Variants in CDH13 observed in about 807,000 individuals in gnomAD.
The protein encoded by CDH13 is cadherin-13.
In CDH13, 24 loss-of-function variants were observed where a neutral mutation model predicts 63.8. That is an observed-to-expected ratio of 0.38 (90% confidence interval 0.27 to 0.53). CDH13 has a LOEUF of 0.53. Ranked by LOEUF, CDH13 falls within the 20% of genes least tolerant of loss-of-function variation. The probability of loss-of-function intolerance (pLI) is 0.85; values close to 1 mark genes in which losing one functional copy is unlikely to be tolerated. For missense variants in CDH13, 1,049 were observed against 903.1 expected (o/e 1.16, Z -2.07); for synonymous variants, 503 against 355.3 (o/e 1.42, Z -4.67).
At chr16:83,337,247 TG>T (rs2090619085) in intron 5 of CDH13, among the ~76,000 whole-genome samples, 1 of 152,150 alleles carries the variant, frequency 6.6e-6, no homozygotes, top group South Asian at 2.1e-4. Context: ...CCCCACAGTA[TG>T]GAAAGAGAGT....
At chr16:83,569,120 A>G (rs553919787) in intron 7 of CDH13, among the ~76,000 whole-genome samples, 2 of 152,018 alleles carry the variant, frequency 1.3e-5, no homozygotes, top group East Asian at 3.9e-4. Context: ...ATGTTATTCC[A>G]CAAACCTATG....
At chr16:82,756,194 G>A (rs558940231) in intron 1 of CDH13, among the ~76,000 whole-genome samples, 1 of 152,124 alleles carries the variant, frequency 6.6e-6, no homozygotes, top group Non-Finnish European at 1.5e-5. Context: ...TAACCAACAG[G>A]TTCTTGGCTA....
chr16:83,726,280 C>T (rs2150944530), intron 10 of CDH13: 1 of 152,328 alleles, frequency 6.6e-6, no homozygotes, highest in Non-Finnish European at 1.5e-5. Context: ...CCAAGAGTGA[C>T]AGTCATGTGC....
intron 6 of CDH13, among the ~76,000 whole-genome samples, chr16:83,374,636 G>A (rs914324239): frequency 1.3e-5 from 2 of 152,166 alleles, no homozygotes; most frequent in Non-Finnish European, 2.9e-5. Flanking sequence ...GATTTGTTTC[G>A]AGGCGGAAGA....
chr16:83,063,176 G>T (rs1338817804), intron 3 of CDH13, among the ~76,000 whole-genome samples: 1 of 152,036 alleles, frequency 6.6e-6, no homozygotes, highest in Non-Finnish European at 1.5e-5. Flanking sequence ...TGGCCAGGCT[G>T]GCCTTGAACT....
At chr16:83,064,206 C>G (rs1052718386) in intron 3 of CDH13, among the ~76,000 whole-genome samples, 2 of 152,026 alleles carry the variant, frequency 1.3e-5, no homozygotes, top group African/African-American at 2.4e-5. Flanking sequence ...CCATCTGTAT[C>G]AAAAATACAA....
At chr16:83,583,048 C>A (rs183208167) in intron 7 of CDH13, among the ~76,000 whole-genome samples, 1 of 152,184 alleles carries the variant, frequency 6.6e-6, no homozygotes, top group East Asian at 1.9e-4. Context: ...TGCTGTCTCT[C>A]GTGGTCCCAG....
In CDH13 at chr16:82,843,457, C is replaced by T. The variant is rs199736778; in HGVS notation, c.46-14905C>T. 9.9e-5 allele frequency among the ~76,000 whole-genome samples: 15 copies of T among 152,236 alleles called. No homozygotes were observed. The East Asian group carries it at 2.7e-3, about 27-fold the overall frequency. On this transcript the variant is annotated intron_variant, in intron 1 of 13. Transcript: ENST00000567109. ...AAGACATGTATTCATATACTCCGAC[C>T]CAGGGGAAGATATGTGGCATTCTGC...
At chr16:83,154,782 T>G (rs2037138132) in intron 4 of CDH13, among the ~76,000 whole-genome samples, 1 of 152,102 alleles carries the variant, frequency 6.6e-6, no homozygotes, top group Non-Finnish European at 1.5e-5. Context: ...AAGATAAAGA[T>G]TTTTGGCCCC....
chr16:83,266,279 A>G (rs1907614522), intron 5 of CDH13, among the ~76,000 whole-genome samples: 1 of 152,114 alleles, frequency 6.6e-6, no homozygotes, highest in Non-Finnish European at 1.5e-5. Flanking sequence ...AATCAATACC[A>G]TTACTACCCA....
chr16:83,712,460 A>T (rs1328696919), intron 10 of CDH13, among the ~76,000 whole-genome samples: 3 of 152,212 alleles, frequency 2.0e-5, no homozygotes, highest in African/African-American at 4.8e-5. Flanking sequence ...AAAAATTCCC[A>T]CATATTGCCT....
At chr16:82,697,990 A>T (rs1174767892) in intron 1 of CDH13, among the ~76,000 whole-genome samples, 1 of 152,154 alleles carries the variant, frequency 6.6e-6, no homozygotes, top group Non-Finnish European at 1.5e-5. Flanking sequence ...ATATGGCTGC[A>T]TGTTAATGTT....
rs2091550480 is a variant in CDH13 at position 83,380,764 on chromosome 16, A to G, written c.781+35758A>G. 3.3e-5 allele frequency among the ~76,000 whole-genome samples: 5 copies of G among 151,898 alleles called. No individual in the cohort carries two copies. The South Asian group carries it at 1.0e-3, about 32-fold the overall frequency. Reference sequence around the variant, plus strand: ...GCTTACAGCTCATGGGCCAGAATTCATCACATGGCCATGTAACTGCAAGGG... The same window carrying G: ...GCTTACAGCTCATGGGCCAGAATTCGTCACATGGCCATGTAACTGCAAGGG... On this transcript the variant is annotated intron_variant, in intron 6 of 13. Coordinates refer to ENST00000567109, the MANE Select transcript of CDH13 (RefSeq NM_001257.5).
intron 2 of CDH13, among the ~76,000 whole-genome samples, chr16:82,889,938 T>A (rs565872725): frequency 4.6e-5 from 7 of 152,232 alleles, no homozygotes; most frequent in Non-Finnish European, 8.8e-5. Context: ...GCCACAGACC[T>A]CCATAGGTAA....
intron 1 of CDH13, among the ~76,000 whole-genome samples, chr16:82,754,921 C>G (rs182366488): frequency 6.2e-4 from 95 of 152,302 alleles, no homozygotes; most frequent in African/African-American, 2.1e-3. Flanking sequence ...CTATAATTGA[C>G]CTGACATTTT....
intron 6 of CDH13, among the ~76,000 whole-genome samples, chr16:83,481,289 G>A (rs567186671): frequency 2.6e-5 from 4 of 152,296 alleles, no homozygotes; most frequent in South Asian, 4.1e-4. Flanking sequence ...TGTAAAAAAT[G>A]AGCCTGACAC....
At chr16:83,669,213 A>G (rs1208237640) in intron 8 of CDH13, among the ~76,000 whole-genome samples, 5 of 152,140 alleles carry the variant, frequency 3.3e-5, no homozygotes, top group African/African-American at 7.2e-5. Context: ...CAACCTGGCT[A>G]GAGGACCCCG....
intron 6 of CDH13, among the ~76,000 whole-genome samples, chr16:83,359,476 C>G (rs1033702526): frequency 3.3e-5 from 5 of 152,082 alleles, no homozygotes; most frequent in African/African-American, 1.2e-4. Context: ...CACCCAGCAG[C>G]TTGCAGGAGT....
intron 2 of CDH13, among the ~76,000 whole-genome samples, chr16:82,907,754 G>A (rs751301412): frequency 6.6e-6 from 1 of 152,186 alleles, no homozygotes; most frequent in Non-Finnish European, 1.5e-5. Flanking sequence ...AAGGACTGCT[G>A]TAGATGATTC....
Sources: allele counts gnomAD v4.1 joint callset (sites outside exome capture counted in the v4.1 genomes callset), GRCh38; gene constraint gnomAD v4.1.1; transcripts MANE v1.5; gene names NCBI Gene and HGNC (gene_info 2026-07-23, HGNC 2026-07-21).